The following PPARGC1B variants were observed in gnomAD, a reference collection of about 807,000 sequenced individuals.
The protein encoded by PPARGC1B is peroxisome proliferator-activated receptor gamma coactivator 1-beta.
Under a neutral mutation model 101.6 loss-of-function variants are expected in PPARGC1B, and 34 were observed. That is an observed-to-expected ratio of 0.33 (90% CI 0.25 to 0.45). PPARGC1B has a LOEUF of 0.45. Among genes scored for constraint, PPARGC1B ranks in the 20% least tolerant of loss-of-function variants. PPARGC1B has a pLI of 1.00. For missense variants in PPARGC1B, 1,234 were observed against 1,317.6 expected (o/e 0.94, Z 0.98); for synonymous variants, 548 against 539.3 (o/e 1.02, Z -0.22).
chr5:149,841,426 C>G (rs1759331129), intron 9 of PPARGC1B, among the ~76,000 whole-genome samples: 1 of 152,114 alleles, frequency 6.6e-6, no homozygotes, highest in South Asian at 2.1e-4. Flanking sequence ...ACGACGGAGT[C>G]CTGTTTGTGG....
In PPARGC1B at chr5:149,832,255, G is replaced by A. The variant is rs116924926; in HGVS notation, c.583-401G>A. 9.9e-3 allele frequency among the ~76,000 whole-genome samples: 1,509 copies of A among 152,324 alleles called. 63 individuals carry two copies. Among genetic ancestry groups the A allele is most frequent in the Admixed American group, 0.075 (1,143 of 15,308 alleles). Reference sequence around the variant, plus strand: ...ACCTGGGAAGCAGAGGTTGCAGTGGGCCGAGATCGATGAATCCCCCAGTGC... The same window carrying A: ...ACCTGGGAAGCAGAGGTTGCAGTGGACCGAGATCGATGAATCCCCCAGTGC... On this transcript the variant is annotated intron_variant, in intron 4 of 11. Transcript: ENST00000309241. This position sits in a 1 kb window ranked among gnomAD's most constrained non-coding sequence, Gnocchi z 4.9.
At chr5:149,842,727 C>T (rs1434566749) in intron 10 of PPARGC1B, among the ~76,000 whole-genome samples, 3 of 152,230 alleles carry the variant, frequency 2.0e-5, no homozygotes, top group African/African-American at 4.8e-5. Flanking sequence ...GAGCCAGAAC[C>T]GGAGCCCATG....
Position 149,845,969 on chromosome 5 carries a change from T to G in PPARGC1B, c.2971+55T>G, listed in dbSNP as rs1173796470. ...GTAAGACTCAAAGCTTGGGAAGCAG[T>G]GCCTTCCTTGAACAAAACCCAGAGC... On this transcript the variant is annotated intron_variant, in intron 11 of 11. Coordinates refer to ENST00000309241, the MANE Select transcript of PPARGC1B (RefSeq NM_133263.4). The G allele has an allele frequency of 4.4e-6, 7 of 1,608,186 alleles. No individual in the cohort carries two copies. The African/African-American group carries it at 9.4e-5, about 22-fold the overall frequency.
chr5:149,845,495 C>T (rs1759514408), intron 10 of PPARGC1B: 3 of 475,068 alleles, frequency 6.3e-6, no homozygotes, highest in Non-Finnish European at 1.1e-5. Flanking sequence ...GAGATAACAA[C>T]AGTACCCACC....
intron 1 of PPARGC1B, among the ~76,000 whole-genome samples, chr5:149,753,733 GC>G (rs1460372765): frequency 6.6e-6 from 1 of 151,788 alleles, no homozygotes; most frequent in Non-Finnish European, 1.5e-5. Context: ...TTGCTTTGTC[GC>G]CCAGGTTGGA....
intron 1 of PPARGC1B, among the ~76,000 whole-genome samples, chr5:149,809,106 A>G (rs2113315400): frequency 6.8e-6 from 1 of 147,296 alleles, no homozygotes; most frequent in Middle Eastern, 3.5e-3. Context: ...AAAGACCCCT[A>G]TCTCCACCTT....
chr5:149,761,226 C>T (rs1279578630), intron 1 of PPARGC1B, among the ~76,000 whole-genome samples: 2 of 152,170 alleles, frequency 1.3e-5, no homozygotes, highest in African/African-American at 4.8e-5. Context: ...ACACCTCACA[C>T]AGTTATCTTT....
intron 1 of PPARGC1B, among the ~76,000 whole-genome samples, chr5:149,733,496 G>C (rs957429567): frequency 6.6e-6 from 1 of 152,228 alleles, no homozygotes; most frequent in African/African-American, 2.4e-5. Context: ...CAAGCACTTT[G>C]TGTGAGTCTG....
At chr5:149,840,250 G>C in intron 9 of PPARGC1B, 134 bp downstream of exon 9, 1 of 728,272 alleles carries the variant, frequency 1.4e-6, no homozygotes, top group Non-Finnish European at 2.3e-6. Flanking sequence ...GGGAAGAAGG[G>C]ACTATGGCAA....
At chr5:149,733,519 A>T (rs1428623211) in intron 1 of PPARGC1B, among the ~76,000 whole-genome samples, 1 of 152,188 alleles carries the variant, frequency 6.6e-6, no homozygotes, top group Non-Finnish European at 1.5e-5. Context: ...GTCCAGTAAG[A>T]TTCTAGCACT....
chr5:149,840,398 G>A (rs1456693899), intron 9 of PPARGC1B, among the ~76,000 whole-genome samples: 2 of 152,192 alleles, frequency 1.3e-5, no homozygotes, highest in Non-Finnish European at 2.9e-5. Flanking sequence ...AGCGTCAGGG[G>A]CCTTGAGAGA....
chr5:149,767,987 T>A lies in PPARGC1B; in HGVS notation c.78+37567T>A, dbSNP rs184234368. On this transcript the variant is annotated intron_variant, in intron 1 of 11. Transcript: ENST00000309241. ...GTAGAATCAGTGGGAGCCCTGAGCT[T>A]GTTTTCCTGCAACTAGATGGTCCCA... is the stretch of plus-strand genomic sequence containing the variant. 6.3e-4 allele frequency among the ~76,000 whole-genome samples: 96 copies of A among 152,072 alleles called. 1 individual carries two copies. Among genetic ancestry groups the A allele is most frequent in the African/African-American group, 2.2e-3 (90 of 41,458 alleles).
At chr5:149,735,538 C>G (rs1048171054) in intron 1 of PPARGC1B, among the ~76,000 whole-genome samples, 2 of 152,168 alleles carry the variant, frequency 1.3e-5, no homozygotes, top group Non-Finnish European at 1.5e-5. Flanking sequence ...CTGAGTATCC[C>G]CTATACCCCA....
intron 3 of PPARGC1B, among the ~76,000 whole-genome samples, chr5:149,830,030 CAAAAAAAA>C (rs60711433): frequency 2.9e-5 from 1 of 34,264 alleles, no homozygotes; most frequent in African/African-American, 8.8e-5. Context: ...GACTGCATCT[CAAAAAAAA>C]AAAAAAAAAA....
In PPARGC1B at chr5:149,832,708, G is replaced by C. The variant is rs2113398189; in HGVS notation, c.635G>C (p.Ser212Thr). Reference protein sequence around the residue: ...KAPMMQSQSRSCTELHKHLTS... With the variant: ...KAPMMQSQSRTCTELHKHLTS... ...CCCATGATGCAGTCTCAGAGCCGAA[G>C]TTGTACAGAACTACATAAGCACCTC... Residue 212 changes from serine (S) to threonine (T), a missense_variant, in exon 5 of 12, where the codon AGT (serine) becomes ACT (threonine). Transcript: ENST00000309241. This position sits in a 1 kb window ranked among gnomAD's most constrained non-coding sequence, Gnocchi z 4.9. 6.3e-7 allele frequency: 1 copy of C among 1,577,510 alleles called. No individual in the cohort carries two copies. The highest frequency in any genetic ancestry group is 2.3e-5 in the East Asian group (1 of 44,172).
At chr5:149,783,180 C>T (rs552044235) in intron 1 of PPARGC1B, among the ~76,000 whole-genome samples, 12 of 152,120 alleles carry the variant, frequency 7.9e-5, no homozygotes, top group Non-Finnish European at 1.3e-4. Context: ...CTCAACACCC[C>T]AGAGGCCAAT....
At chr5:149,830,642 G>T in intron 3 of PPARGC1B, 125 bp from the exon 4 acceptor site, 1 of 706,786 alleles carries the variant, frequency 1.4e-6, no homozygotes, top group Non-Finnish European at 2.6e-6. Context: ...GTCATGGAAT[G>T]CCCACCCTGT....
chr5:149,734,140 G>T (rs1215983168), intron 1 of PPARGC1B, among the ~76,000 whole-genome samples: 1 of 151,866 alleles, frequency 6.6e-6, no homozygotes, highest in African/African-American at 2.4e-5. Context: ...TGGCCAACAT[G>T]GTGAAATCCT....
chr5:149,836,875 A>G lies in PPARGC1B; in HGVS notation c.2420A>G (p.Glu807Gly), dbSNP rs756242685. Residue 807 changes from glutamate to glycine, a missense_variant, in exon 8 of 12, where the codon GAG becomes GGG. By Grantham distance (98) the Glu-to-Gly change is moderately conservative. Transcript: ENST00000309241. ...AGCGGCGAGAGCAGCTTCCTCCCAG[A>G]GGAGGAAGAGGAAGAAGGGGAGGAG... is the stretch of plus-strand genomic sequence containing the variant. ...SSSGESSFLP[E>G]EEEEEGEEEE... 2 of 1,611,118 alleles carry G rather than the reference A, an allele frequency of 1.2e-6. No individual in the cohort carries two copies. The highest frequency in any genetic ancestry group is 1.7e-4 in the Middle Eastern group (1 of 6,060).
Sources: gnomAD v4.1 joint callset for allele counts (sites outside exome capture counted in the v4.1 genomes callset) on GRCh38, gnomAD v4.1.1 for gene constraint, Gnocchi (gnomAD v3.1) non-coding constraint, MANE v1.5 for transcripts, NCBI Gene and HGNC (gene_info 2026-07-23, HGNC 2026-07-21) for gene names.